Variants in ITPRID1 observed in about 807,000 individuals in gnomAD.
The protein encoded by ITPRID1 is protein ITPRID1.
Under a neutral mutation model 95.4 loss-of-function variants are expected in ITPRID1, and 96 were observed. That is an observed-to-expected ratio of 1.01 (90% confidence interval 0.85 to 1.19). The LOEUF is 1.19. Among genes scored for constraint, ITPRID1 ranks in the 50% most tolerant of loss-of-function variants. The probability of loss-of-function intolerance (pLI) is 0.00; values close to 1 mark genes in which losing one functional copy is unlikely to be tolerated. For missense variants in ITPRID1, 1,339 were observed against 1,252.9 expected (o/e 1.07, Z -1.04); for synonymous variants, 510 against 453.6 (o/e 1.12, Z -1.58).
In ITPRID1 at chr7:31,599,617, CTTT is replaced by C. The variant is rs1337334508; in HGVS notation, c.1228+16427_1228+16429del. Among the ~76,000 whole-genome samples, 87 of 55,794 alleles carry C rather than the reference CTTT, an allele frequency of 1.6e-3. 2 individuals are homozygous for C. The highest frequency in any genetic ancestry group is 2.5e-3 in the East Asian group (3 of 1,202). The allele number at this position is 55,794 out of a possible 152,430, so 36.6% of individuals were successfully genotyped here. A position where few individuals can be genotyped will look rare whatever the true frequency, so the allele number is the denominator to read the frequency against. ...TCTTTCTTTCTTTCTTTCTTTCTTT[CTTT>C]CTTTCTTTCTTTCTTTCTTTCTTTC... On this transcript the variant is annotated intron_variant, in intron 10 of 14. Transcript: ENST00000615280.
chr7:31,568,857 G>T (rs989049386), intron 5 of ITPRID1, among the ~76,000 whole-genome samples: 17 of 152,110 alleles, frequency 1.1e-4, no homozygotes, highest in African/African-American at 4.1e-4. Flanking sequence ...TTGGCAGTGT[G>T]GTGTTACAGA....
chr7:31,531,084 G>T (rs1381680938), intron 1 of ITPRID1, among the ~76,000 whole-genome samples: 1 of 152,214 alleles, frequency 6.6e-6, no homozygotes, highest in Non-Finnish European at 1.5e-5. Flanking sequence ...GGACTTTAGA[G>T]GGAGCCCAAA....
chr7:31,655,920 T>G lies in ITPRID1; in HGVS notation c.*3091T>G. 3.0e-6 allele frequency: 3 copies of G among 985,452 alleles called. No homozygotes were observed. The highest frequency in any genetic ancestry group is 3.6e-6 in the Non-Finnish European group (3 of 829,978). The allele number at this position is 985,452 out of a possible 1,614,324, so 61.0% of individuals were successfully genotyped here. A position where few individuals can be genotyped will look rare whatever the true frequency, so the allele number is the denominator to read the frequency against. ...TGTCCCTCACCTGGCAGCCATCTGC[T>G]TTACCAGTCTCATTTCCTGCTCATC... On this transcript the variant is annotated 3_prime_UTR_variant, in exon 15 of 15. Coordinates refer to ENST00000615280, the MANE Select transcript of ITPRID1 (RefSeq NM_001257967.3).
rs1789645911 is a variant in ITPRID1 at position 31,637,914 on chromosome 7, T to C, written c.1229-4262T>C. 2.0e-5 allele frequency among the ~76,000 whole-genome samples: 3 copies of C among 152,168 alleles called. No individual in the cohort carries two copies. In the South Asian group the frequency reaches 6.2e-4, roughly 31 times the overall value. On this transcript the variant is annotated intron_variant, in intron 10 of 14. Coordinates refer to ENST00000615280, the MANE Select transcript of ITPRID1 (RefSeq NM_001257967.3). ...AATCCATCTTGAATTAATTTTTGTATAAGGTGTAAGGAAGGGATCCAGTTT... is the reference window on the plus strand; with the variant it reads ...AATCCATCTTGAATTAATTTTTGTACAAGGTGTAAGGAAGGGATCCAGTTT...
At chr7:31,564,201 G>T (rs1784718478) in intron 5 of ITPRID1, among the ~76,000 whole-genome samples, 1 of 152,124 alleles carries the variant, frequency 6.6e-6, no homozygotes, top group African/African-American at 2.4e-5. Context: ...ATTTTGCAGG[G>T]TTAAGTGCGG....
chr7:31,578,400 C>A lies in ITPRID1; in HGVS notation c.1136C>A (p.Ala379Glu), dbSNP rs1257845499. 1.2e-6 allele frequency: 2 copies of A among 1,611,564 alleles called. No individual in the cohort carries two copies. Among genetic ancestry groups the A allele is most frequent in the East Asian group, 2.2e-5 (1 of 44,840 alleles). ...TNKLKSLSHLAGKGPDSFEME... is the reference protein window; with the variant it reads ...TNKLKSLSHLEGKGPDSFEME... ...AAGCTCAAGAGCTTGTCTCATCTTG[C>A]AGGCAAAGGACCAGACTCATTTGAA... The change falls in exon 9 of 15, where the codon GCA (alanine) becomes GAA (glutamate). Residue 379 changes from alanine (A) to glutamate (E), a missense_variant. By Grantham distance (107) the Ala-to-Glu change is moderately radical. Coordinates refer to ENST00000615280, the MANE Select transcript of ITPRID1 (RefSeq NM_001257967.3).
intron 12 of ITPRID1, among the ~76,000 whole-genome samples, chr7:31,650,502 T>C (rs995961197): frequency 1.3e-5 from 2 of 151,944 alleles, no homozygotes; most frequent in African/African-American, 4.8e-5. Context: ...TCAGGAGCAA[T>C]GGGAAGGATT....
At chr7:31,545,303 A>C (rs1784061167) in intron 1 of ITPRID1, among the ~76,000 whole-genome samples, 1 of 152,114 alleles carries the variant, frequency 6.6e-6, no homozygotes, top group Non-Finnish European at 1.5e-5. Flanking sequence ...CCATGAAAGA[A>C]CTTGGATTGC....
intron 10 of ITPRID1, among the ~76,000 whole-genome samples, chr7:31,598,387 T>C (rs1214098526): frequency 1.7e-5 from 1 of 58,318 alleles, no homozygotes; most frequent in Admixed American, 1.6e-4. Flanking sequence ...AGCGAATTTC[T>C]TTTTTTTTTT....
At chr7:31,637,455 T>A (rs983072446) in intron 10 of ITPRID1, among the ~76,000 whole-genome samples, 7 of 152,188 alleles carry the variant, frequency 4.6e-5, no homozygotes, top group African/African-American at 1.7e-4. Context: ...GGTATCTCAT[T>A]GTGGTTTTGA....
rs1203963804 is a variant in ITPRID1 at position 31,642,707 on chromosome 7, G to C, written c.1337G>C (p.Ser446Thr). The C allele has an allele frequency of 6.2e-7, 1 of 1,613,828 alleles. No individual in the cohort carries two copies. The highest frequency in any genetic ancestry group is 1.3e-5 in the African/African-American group (1 of 74,944). The change falls in exon 12 of 15, where the codon AGT becomes ACT. Residue 446 changes from serine (S) to threonine (T), a missense_variant. Physicochemically the swap from Ser to Thr is moderately conservative, Grantham distance 58. Transcript: ENST00000615280. ...ATGCCTTCCTTGCCAAACAGCCAGA[G>C]TCCTGCTGAGAATGGAGGTAGAAAG... Reference protein sequence around the residue: ...LQMPSLPNSQSPAENGGRKPR... With the variant: ...LQMPSLPNSQTPAENGGRKPR...
intron 12 of ITPRID1, among the ~76,000 whole-genome samples, chr7:31,645,005 A>T (rs76610096): frequency 6.6e-6 from 1 of 152,168 alleles, no homozygotes; most frequent in Admixed American, 6.5e-5. Flanking sequence ...AATCCATTCC[A>T]TAAATATTTG....
At chr7:31,605,454 A>G (rs1213278496) in intron 10 of ITPRID1, among the ~76,000 whole-genome samples, 1 of 152,210 alleles carries the variant, frequency 6.6e-6, no homozygotes, top group East Asian at 1.9e-4. Flanking sequence ...TTGTGCTAAA[A>G]TTCTCAGGTA....
At chr7:31,559,869 C>G (rs985897460) in intron 5 of ITPRID1, among the ~76,000 whole-genome samples, 2 of 152,142 alleles carry the variant, frequency 1.3e-5, no homozygotes, top group African/African-American at 4.8e-5. Flanking sequence ...GCTCTATTTC[C>G]TTGCCCACAG....
At position 31,655,973 on chromosome 7, in the gene ITPRID1, C is replaced by T. The variant is rs1024306723; in HGVS notation, c.*3144C>T. 3.0e-6 allele frequency: 3 copies of T among 985,316 alleles called. No individual in the cohort carries two copies. The highest frequency in any genetic ancestry group is 6.2e-5 in the Admixed American group (1 of 16,254). The allele number at this position is 985,316 out of a possible 1,614,324, so 61.0% of individuals were successfully genotyped here. The stretch of plus-strand genomic sequence containing the variant: ...TCAGATGAATCTCCAATTCTATTCC[C>T]CTAAACCACCTCCTGTGTTCCTGCT... On this transcript the variant is annotated 3_prime_UTR_variant, in exon 15 of 15. Coordinates refer to ENST00000615280, the MANE Select transcript of ITPRID1 (RefSeq NM_001257967.3).
At position 31,643,549 on chromosome 7, in the gene ITPRID1, G is replaced by C; in HGVS notation, c.2179G>C (p.Gly727Arg). 1 of 1,614,028 alleles carries C rather than the reference G, an allele frequency of 6.2e-7. No homozygotes were observed. The highest frequency in any genetic ancestry group is 2.2e-5 in the East Asian group (1 of 44,880). The change falls in exon 12 of 15, where the codon GGG becomes CGG. Residue 727 changes from glycine to arginine, a missense_variant. Physicochemically the swap from Gly to Arg is moderately radical, Grantham distance 125. Transcript: ENST00000615280. ...GGCTGCTCAGAGGGCTGTGGCCTTGGGGACTGGTCCCAGAGGAACATCTTT... is the reference window on the plus strand; with the variant it reads ...GGCTGCTCAGAGGGCTGTGGCCTTGCGGACTGGTCCCAGAGGAACATCTTT... ...VSAAQRAVAL[G>R]TGPRGTSLEC...
At position 31,654,598 on chromosome 7, in the gene ITPRID1, C is replaced by T. The variant is rs570565868; in HGVS notation, c.*1769C>T. 6.6e-5 allele frequency among the ~76,000 whole-genome samples: 10 copies of T among 152,238 alleles called. 1 individual carries two copies. The highest frequency in any genetic ancestry group is 2.1e-4 in the South Asian group (1 of 4,820). On this transcript the variant is annotated 3_prime_UTR_variant, in exon 15 of 15. Coordinates refer to ENST00000615280, the MANE Select transcript of ITPRID1 (RefSeq NM_001257967.3). ...CATCCCCAAGGTGAGAAGCAAATGT[C>T]GTCAAGTTGCTTCTATTCAGCCTTG...
chr7:31,537,163 A>C (rs1036468457), intron 1 of ITPRID1, among the ~76,000 whole-genome samples: 2 of 150,434 alleles, frequency 1.3e-5, no homozygotes, highest in South Asian at 4.2e-4. Context: ...TGCCTGTTGA[A>C]GAGGAACTGG....
chr7:31,646,113 G>A (rs1790445028), intron 12 of ITPRID1, among the ~76,000 whole-genome samples: 1 of 152,128 alleles, frequency 6.6e-6, no homozygotes, highest in Non-Finnish European at 1.5e-5. Flanking sequence ...TTACGTTTAA[G>A]ACAAGCATTA....
Sources: gnomAD v4.1 joint callset for allele counts (sites outside exome capture counted in the v4.1 genomes callset) on GRCh38, gnomAD v4.1.1 for gene constraint, MANE v1.5 for transcripts, NCBI Gene and HGNC (gene_info 2026-07-23, HGNC 2026-07-21) for gene names.